HS6ST3: variants seen among roughly 807,000 people sequenced by gnomAD.
HS6ST3 encodes heparan sulfate 6-O-sulfotransferase 3.
In HS6ST3, 12 loss-of-function variants were observed where a neutral mutation model predicts 36.7. The observed-to-expected ratio is 0.33, with a 90% CI of 0.21 to 0.53. HS6ST3 has a LOEUF of 0.53. Among genes scored for constraint, HS6ST3 ranks in the 20% least tolerant of loss-of-function variants. The pLI is 0.95. For synonymous variants in HS6ST3, 240 were observed against 257.5 expected (o/e 0.93, Z 0.65); for missense variants, 584 against 640.9 (o/e 0.91, Z 0.96).
Position 96,188,216 on chromosome 13 carries a change from T to C in HS6ST3, c.707+96647T>C, listed in dbSNP as rs189450887. On this transcript the variant is annotated intron_variant, in intron 1 of 1. Transcript: ENST00000376705. ...CATGAGAGAACTTGACATAGTATGA[T>C]ATGTAGGTGTATTGGCTATAGTTTA... 3.2e-4 allele frequency among the ~76,000 whole-genome samples: 48 copies of C among 152,342 alleles called. 1 individual carries two copies. The Middle Eastern group carries it at 0.01, about 32-fold the overall frequency.
At chr13:96,170,933 G>A (rs558710185) in intron 1 of HS6ST3, among the ~76,000 whole-genome samples, 3 of 151,742 alleles carry the variant, frequency 2.0e-5, no homozygotes, top group Non-Finnish European at 1.5e-5. Context: ...GCGCACGTGC[G>A]CACACACACA....
intron 1 of HS6ST3, among the ~76,000 whole-genome samples, chr13:96,776,828 C>G (rs1479078857): frequency 2.6e-5 from 4 of 152,138 alleles, no homozygotes; most frequent in African/African-American, 7.2e-5. Flanking sequence ...AGACTCCTCC[C>G]TAACTCATTT....
chr13:96,462,273 GTTGCC>G (rs1435700718), intron 1 of HS6ST3, among the ~76,000 whole-genome samples: 6 of 152,052 alleles, frequency 3.9e-5, no homozygotes, highest in African/African-American at 1.4e-4. Flanking sequence ...GTCTTGTTGT[GTTGCC>G]TAGGCTGGTC....
intron 1 of HS6ST3, among the ~76,000 whole-genome samples, chr13:96,687,964 A>C (rs1169764903): frequency 6.6e-6 from 1 of 151,664 alleles, no homozygotes; most frequent in Non-Finnish European, 1.5e-5. Flanking sequence ...AACTATCACA[A>C]GGACAAAAAG....
At chr13:96,344,427 C>T (rs549265259) in intron 1 of HS6ST3, among the ~76,000 whole-genome samples, 2 of 152,276 alleles carry the variant, frequency 1.3e-5, no homozygotes, top group South Asian at 2.1e-4. Flanking sequence ...TAGACTTGCC[C>T]AAGGCCAGAC....
At chr13:96,481,404 T>A (rs1156342634) in intron 1 of HS6ST3, among the ~76,000 whole-genome samples, 1 of 152,106 alleles carries the variant, frequency 6.6e-6, no homozygotes, top group East Asian at 1.9e-4. Context: ...GGATCTGGGG[T>A]CCATTTTTCT....
intron 1 of HS6ST3, among the ~76,000 whole-genome samples, chr13:96,284,771 C>A (rs1321604732): frequency 1.3e-5 from 2 of 151,972 alleles, no homozygotes; most frequent in African/African-American, 2.4e-5. Flanking sequence ...TGCTTGCTTG[C>A]TTGCTTGCTT....
At chr13:96,301,896 T>C (rs1196452669) in intron 1 of HS6ST3, among the ~76,000 whole-genome samples, 1 of 125,014 alleles carries the variant, frequency 8.0e-6, no homozygotes, top group African/African-American at 3.0e-5. Context: ...TGAGACTCCA[T>C]CTATAATAAT....
chr13:96,150,584 CA>C (rs1346670349), intron 1 of HS6ST3, among the ~76,000 whole-genome samples: 2 of 106,296 alleles, frequency 1.9e-5, no homozygotes, highest in Non-Finnish European at 4.2e-5. Context: ...CATTTTACCA[CA>C]AATCTTGAGA....
At chr13:96,652,883 G>A (rs9584399) in intron 1 of HS6ST3, among the ~76,000 whole-genome samples, 4,044 of 152,102 alleles carry the variant, frequency 0.027, 182 homozygotes, top group African/African-American at 0.092. Context: ...AAAATAAGCA[G>A]CACTTACAGG....
chr13:96,111,693 CAG>C (rs1187113216), intron 1 of HS6ST3, among the ~76,000 whole-genome samples: 1 of 152,068 alleles, frequency 6.6e-6, no homozygotes, highest in Non-Finnish European at 1.5e-5. Flanking sequence ...CTCTATGAAA[CAG>C]AGATTTTGGT....
chr13:96,284,781 TGCTTGC>T (rs2054792590), intron 1 of HS6ST3, among the ~76,000 whole-genome samples: 1 of 152,080 alleles, frequency 6.6e-6, no homozygotes, highest in Non-Finnish European at 1.5e-5. Flanking sequence ...CTTGCTTGCT[TGCTTGC>T]TTTTCTCTCC....
At chr13:96,511,331 C>T (rs1430336265) in intron 1 of HS6ST3, among the ~76,000 whole-genome samples, 1 of 152,022 alleles carries the variant, frequency 6.6e-6, no homozygotes, top group African/African-American at 2.4e-5. Context: ...CTACTTTATG[C>T]TCCAGGATGA....
At chr13:96,306,638 C>A (rs11618312) in intron 1 of HS6ST3, among the ~76,000 whole-genome samples, 139 of 152,174 alleles carry the variant, frequency 9.1e-4, no homozygotes, top group African/African-American at 3.3e-3. Context: ...AAGAATCCCA[C>A]TGACTGCTGG....
At chr13:96,197,832 C>T (rs756933820) in intron 1 of HS6ST3, among the ~76,000 whole-genome samples, 10 of 152,190 alleles carry the variant, frequency 6.6e-5, no homozygotes, top group East Asian at 1.9e-4. Flanking sequence ...TTTCCAGGTG[C>T]GTGGTGGATC....
chr13:96,656,957 G>GTT (rs2139016434), intron 1 of HS6ST3, among the ~76,000 whole-genome samples: 1 of 93,688 alleles, frequency 1.1e-5, no homozygotes, highest in Non-Finnish European at 2.2e-5. Context: ...CTTTTCTTTT[G>GTT]TGTGTGTGTG....
chr13:96,604,733 A>T (rs1030596572), intron 1 of HS6ST3, among the ~76,000 whole-genome samples: 1 of 152,226 alleles, frequency 6.6e-6, no homozygotes, highest in Non-Finnish European at 1.5e-5. Context: ...GCACATGCAC[A>T]TCTGCACACA....
intron 1 of HS6ST3, among the ~76,000 whole-genome samples, chr13:96,764,534 C>G (rs1243595815): frequency 6.6e-6 from 1 of 152,212 alleles, no homozygotes; most frequent in African/African-American, 2.4e-5. Flanking sequence ...CCCACTCATT[C>G]TCTCAGCATC....
At chr13:96,598,508 A>G (rs1486698437) in intron 1 of HS6ST3, among the ~76,000 whole-genome samples, 1 of 152,092 alleles carries the variant, frequency 6.6e-6, no homozygotes, top group African/African-American at 2.4e-5. Flanking sequence ...AGTGCTACTG[A>G]TCTGTGTACA....
Sources: allele counts gnomAD v4.1 joint callset (sites outside exome capture counted in the v4.1 genomes callset), GRCh38; gene constraint gnomAD v4.1.1; transcripts MANE v1.5; gene names NCBI Gene and HGNC (gene_info 2026-07-23, HGNC 2026-07-21).